The following DIS3L2 variants were observed in gnomAD, a reference collection of about 807,000 sequenced individuals.
DIS3L2 encodes the protein DIS3 like 3'-5' exoribonuclease 2.
Under a neutral mutation model 97.5 loss-of-function variants are expected in DIS3L2, and 34 were observed. The ratio of observed to expected loss-of-function variants is 0.35; its 90% CI spans 0.27 to 0.46. The LOEUF (loss-of-function observed/expected upper bound fraction) is 0.46. Among genes scored for constraint, DIS3L2 ranks in the 20% least tolerant of loss-of-function variants. The pLI is 1.00. For missense variants in DIS3L2, 1,038 were observed against 1,146.0 expected, an observed-to-expected ratio of 0.91 and a Z score of 1.36; for synonymous variants, 435 against 445.2, an observed-to-expected ratio of 0.98 and a Z score of 0.29.
intron 13 of DIS3L2, among the ~76,000 whole-genome samples, chr2:232,291,833 G>A (rs1327467963): frequency 6.6e-6 from 1 of 152,174 alleles, no homozygotes; most frequent in Non-Finnish European, 1.5e-5. Context: ...TCCATGAGAG[G>A]TCATCTTGGA....
rs1574773660 is a variant in DIS3L2, at chr2:231,970,688, A to C, written c.-94+8923A>C. On this transcript the variant is annotated intron_variant, in intron 1 of 20. Coordinates refer to ENST00000325385, the MANE Select transcript of DIS3L2 (RefSeq NM_152383.5). ...AATGAGTGTGAAGGCCGAGGACATT[A>C]CTGTGCACTACTGTCGACTTTACAA... 2.6e-5 allele frequency among the ~76,000 whole-genome samples: 4 copies of C among 152,336 alleles called. 1 individual carries two copies. The East Asian group carries it at 7.7e-4, about 29-fold the overall frequency.
intron 5 of DIS3L2, among the ~76,000 whole-genome samples, chr2:232,069,386 G>C (rs1238068131): frequency 1.3e-5 from 2 of 152,106 alleles, no homozygotes; most frequent in Non-Finnish European, 2.9e-5. Context: ...CATAGAAGTA[G>C]GCTTCTGTGT....
At chr2:232,288,596 C>T (rs971794760) in intron 13 of DIS3L2, among the ~76,000 whole-genome samples, 5 of 152,204 alleles carry the variant, frequency 3.3e-5, no homozygotes, top group East Asian at 1.9e-4. Context: ...TATAACTCCC[C>T]GACTCCTCAA....
At chr2:232,238,069 G>T (rs957253815) in intron 10 of DIS3L2, among the ~76,000 whole-genome samples, 1 of 152,120 alleles carries the variant, frequency 6.6e-6, no homozygotes, top group Non-Finnish European at 1.5e-5. Context: ...GGTGAGGGGG[G>T]CACAGAGGCG....
chr2:232,110,046 G>A (rs1314114813), intron 6 of DIS3L2, among the ~76,000 whole-genome samples: 2 of 152,058 alleles, frequency 1.3e-5, no homozygotes, highest in East Asian at 1.9e-4. Context: ...GGCAAAGGAC[G>A]TGAACAGACC....
intron 1 of DIS3L2, among the ~76,000 whole-genome samples, chr2:231,968,147 G>C (rs1026229650): frequency 6.6e-6 from 1 of 150,868 alleles, no homozygotes; most frequent in African/African-American, 2.4e-5. Flanking sequence ...ACCCAGGCTG[G>C]AGTGCAGTGG....
At chr2:232,223,745 G>C (rs576893519) in intron 10 of DIS3L2, among the ~76,000 whole-genome samples, 8 of 152,266 alleles carry the variant, frequency 5.3e-5, no homozygotes, top group African/African-American at 1.9e-4. Flanking sequence ...AATGGTGCTA[G>C]ACAAAAAGTA....
chr2:232,317,294 C>G (rs562334750), intron 14 of DIS3L2, among the ~76,000 whole-genome samples: 3 of 152,300 alleles, frequency 2.0e-5, no homozygotes, highest in Admixed American at 1.3e-4. Context: ...AGAGCAAGGA[C>G]AGTCACTTCA....
intron 10 of DIS3L2, among the ~76,000 whole-genome samples, chr2:232,224,892 A>G (rs1473951876): frequency 6.6e-6 from 1 of 152,044 alleles, no homozygotes; most frequent in African/African-American, 2.4e-5. Context: ...ACAGAGTGGG[A>G]GAAGATATTT....
At chr2:232,166,800 C>T (rs2106380009) in intron 9 of DIS3L2, among the ~76,000 whole-genome samples, 1 of 151,646 alleles carries the variant, frequency 6.6e-6, no homozygotes, top group Admixed American at 6.6e-5. Flanking sequence ...GTGGGTGGAT[C>T]ACTCGAGGTC....
intron 6 of DIS3L2, among the ~76,000 whole-genome samples, chr2:232,104,951 T>C (rs1037231877): frequency 2.0e-5 from 3 of 152,088 alleles, no homozygotes; most frequent in Non-Finnish European, 4.4e-5. Flanking sequence ...CTGGAGTAGC[T>C]GGGACTACAG....
At chr2:232,017,141 G>T (rs1694377698) in intron 3 of DIS3L2, among the ~76,000 whole-genome samples, 1 of 152,030 alleles carries the variant, frequency 6.6e-6, no homozygotes, top group African/African-American at 2.4e-5. Context: ...CCAGGCTGGA[G>T]TGCAGTACAA....
At chr2:231,981,903 G>A (rs1693274952) in intron 1 of DIS3L2, among the ~76,000 whole-genome samples, 1 of 151,072 alleles carries the variant, frequency 6.6e-6, no homozygotes, top group Admixed American at 6.6e-5. Context: ...GCATCATGGT[G>A]CGTGCCTGTA....
At chr2:232,339,055 G>GC (rs1696052774), downstream of DIS3L2, among the ~76,000 whole-genome samples, 3 of 152,334 alleles carry the variant, frequency 2.0e-5, no homozygotes, top group South Asian at 6.2e-4. Flanking sequence ...GTCAGTGCTG[G>GC]CCCCCTGGAC....
At chr2:232,025,533 T>A (rs948570756) in intron 4 of DIS3L2, among the ~76,000 whole-genome samples, 1 of 152,180 alleles carries the variant, frequency 6.6e-6, no homozygotes, top group African/African-American at 2.4e-5. Flanking sequence ...ACATTATTCT[T>A]TCTCAGTCAT....
chr2:232,281,947 C>A lies in DIS3L2; in HGVS notation c.1660-18093C>A, dbSNP rs1160813772. 6.6e-6 allele frequency among the ~76,000 whole-genome samples: 1 copy of A among 151,706 alleles called. No homozygotes were observed. Among genetic ancestry groups the A allele is most frequent in the African/African-American group, 2.4e-5 (1 of 41,338 alleles). ...GGAAGGACTAGAAGCAATATGAAATCTAATTGGCAAGACCACGGTGAGCAC... is the reference window on the plus strand; with the variant it reads ...GGAAGGACTAGAAGCAATATGAAATATAATTGGCAAGACCACGGTGAGCAC... On this transcript the variant is annotated intron_variant, in intron 13 of 20. Coordinates refer to ENST00000325385, the MANE Select transcript of DIS3L2 (RefSeq NM_152383.5). This position sits in a 1 kb window ranked among gnomAD's most constrained non-coding sequence, Gnocchi z 4.1.
Position 232,163,470 on chromosome 2 carries a change from A to G in DIS3L2, c.962A>G (p.Lys321Arg), listed in dbSNP as rs1690713890. 6.2e-7 allele frequency: 1 copy of G among 1,613,892 alleles called. No individual in the cohort carries two copies. Among genetic ancestry groups the G allele is most frequent in the Middle Eastern group, 1.6e-4 (1 of 6,062 alleles). The change falls in exon 9 of 21, where the codon AAG (lysine) becomes AGG (arginine). Residue 321 changes from lysine (K) to arginine (R), a missense_variant. Around this residue, in one of 3 missense-constraint regions of DIS3L2, gnomAD observed 813 missense variants for 880.1 expected, o/e 0.92. Coordinates refer to ENST00000325385, the MANE Select transcript of DIS3L2 (RefSeq NM_152383.5). ...DCNFALGQLA[K>R]SLGQAGEIEP... ...TGTTCTATCCATAGGCAGCTGGCTAAGAGTCTTGGGCAGGCTGGTGAAATT... is the reference window on the plus strand; with the variant it reads ...TGTTCTATCCATAGGCAGCTGGCTAGGAGTCTTGGGCAGGCTGGTGAAATT...
rs1439175391 is a variant in DIS3L2, at chr2:232,051,299, G to A, written c.366+21219G>A. Among the ~76,000 whole-genome samples the A allele has an allele frequency of 3.9e-5, 6 of 152,128 alleles. No homozygotes were observed. The South Asian group carries it at 6.2e-4, about 16-fold the overall frequency. ...GACAAGTAGTAGGTACTTTTAAAAC[G>A]TGAGTTTTATTCTTTCATTTTCCTT... On this transcript the variant is annotated intron_variant, in intron 5 of 20. Transcript: ENST00000325385.
chr2:232,183,008 A>C (rs1691334729), intron 9 of DIS3L2, among the ~76,000 whole-genome samples: 1 of 152,124 alleles, frequency 6.6e-6, no homozygotes, highest in Admixed American at 6.5e-5. Flanking sequence ...CTAACCCCCA[A>C]ATTATAGTTT....
Sources: gnomAD v4.1 joint callset for allele counts (sites outside exome capture counted in the v4.1 genomes callset) on GRCh38, gnomAD v4.1.1 for gene constraint, gnomAD v4.1.1 regional missense constraint, Gnocchi (gnomAD v3.1) non-coding constraint, MANE v1.5 for transcripts, NCBI Gene and HGNC (gene_info 2026-07-23, HGNC 2026-07-21) for gene names.